The following TG variants were observed in gnomAD, a reference collection of about 807,000 sequenced individuals.
TG encodes thyroglobulin, also known as thyroid hormones.
TG carries 270 observed loss-of-function variants against 324.7 expected under a neutral mutation model. The observed-to-expected ratio is 0.83, with a 90% CI of 0.75 to 0.92. The LOEUF (loss-of-function observed/expected upper bound fraction) is 0.92. TG is among the 40% of genes least tolerant of loss of function. The probability of loss-of-function intolerance (pLI) is 0.00; values close to 1 mark genes in which losing one functional copy is unlikely to be tolerated. For missense variants in TG, 3,591 were observed against 3,456.4 expected (o/e 1.04, Z -0.98); for synonymous variants, 1,401 against 1,327.0 (o/e 1.06, Z -1.21).
At chr8:133,034,764 G>T (rs1185055104) in intron 41 of TG, among the ~76,000 whole-genome samples, 1 of 152,094 alleles carries the variant, frequency 6.6e-6, no homozygotes. Flanking sequence ...ATTTCTTAAG[G>T]CCTTCCTCAT....
chr8:132,920,356 T>A (rs1340786498), intron 21 of TG, among the ~76,000 whole-genome samples: 1 of 152,194 alleles, frequency 6.6e-6, no homozygotes, highest in Non-Finnish European at 1.5e-5. Context: ...ATTTCTAGAA[T>A]TTTTAAAACA....
chr8:132,935,137 C>CTTTTTTTTTTTTT (rs34047530), intron 24 of TG, among the ~76,000 whole-genome samples: 2 of 136,400 alleles, frequency 1.5e-5, no homozygotes, highest in Non-Finnish European at 3.2e-5. Context: ...CTGGCAAACT[C>CTTTTTTTTTTTTT]TTTTTTTTTT....
Position 133,017,802 on chromosome 8 carries a change from C to G in TG, c.6587C>G (p.Ala2196Gly). 6.2e-7 allele frequency: 1 copy of G among 1,614,206 alleles called. No individual in the cohort carries two copies. Among genetic ancestry groups the G allele is most frequent in the South Asian group, 1.1e-5 (1 of 91,086 alleles). Residue 2196 changes from alanine (A) to glycine (G), a missense_variant, in exon 38 of 48, where the codon GCA becomes GGA. Physicochemically the swap from Ala to Gly is moderately conservative, Grantham distance 60. Coordinates refer to ENST00000220616, the MANE Select transcript of TG (RefSeq NM_003235.5). ...GGAATCTCTCTGCTCAGCTATGAGG[C>G]ATCTGTACCTTCTGTGCCCATTTCC... is the stretch of plus-strand genomic sequence containing the variant. ...KPGISLLSYE[A>G]SVPSVPISTH...
At chr8:132,995,239 C>G (rs1832759485) in intron 35 of TG, 1 of 963,674 alleles carries the variant, frequency 1.0e-6, no homozygotes, top group Non-Finnish European at 1.2e-6. Context: ...TACCTATTAC[C>G]TACAAGTTGA....
rs529017279 is a variant in TG, at chr8:133,015,323, T to C, written c.6562+1559T>C. ...CTCACTTCCAAAAGATGTGTGCACA[T>C]ATGCATCTACAGGTGTCTCAACTTT... On this transcript the variant is annotated intron_variant, in intron 37 of 47. Transcript: ENST00000220616. Among the ~76,000 whole-genome samples the C allele has an allele frequency of 3.9e-5, 6 of 152,342 alleles. No homozygotes were observed. The South Asian group carries it at 8.3e-4, about 21-fold the overall frequency.
At chr8:132,885,451 T>C (rs930764360) in intron 8 of TG, among the ~76,000 whole-genome samples, 4 of 151,712 alleles carry the variant, frequency 2.6e-5, no homozygotes, top group Non-Finnish European at 5.9e-5. Context: ...TATTATAATA[T>C]ATATTACAAT....
rs149424079 is a variant in TG at position 132,917,713 on chromosome 8, G to A, written c.4379-1663G>A. Among the ~76,000 whole-genome samples the A allele has an allele frequency of 2.1e-3, 316 of 152,092 alleles. 2 individuals are homozygous for A. Among genetic ancestry groups the A allele is most frequent in the Middle Eastern group, 0.02 (6 of 294 alleles). ...TCCGAAGGGGTGAAGGACATTTACG[G>A]TTCCTCACAGATGTCTTTCTTCAGC... On this transcript the variant is annotated intron_variant, in intron 20 of 47. Coordinates refer to ENST00000220616, the MANE Select transcript of TG (RefSeq NM_003235.5).
intron 35 of TG, among the ~76,000 whole-genome samples, chr8:133,009,735 C>T (rs1399208623): frequency 6.6e-6 from 1 of 151,750 alleles, no homozygotes; most frequent in Non-Finnish European, 1.5e-5. Flanking sequence ...TCTTTCTGCT[C>T]TCTGCCATGT....
Position 133,119,742 on chromosome 8 carries a change from A to G in TG, c.7862+3026A>G, listed in dbSNP as rs114245952. Among the ~76,000 whole-genome samples the G allele has an allele frequency of 7.9e-3, 1,202 of 152,278 alleles. 17 individuals are homozygous for G. Among genetic ancestry groups the G allele is most frequent in the African/African-American group, 0.028 (1,148 of 41,544 alleles). On this transcript the variant is annotated intron_variant, in intron 45 of 47. Coordinates refer to ENST00000220616, the MANE Select transcript of TG (RefSeq NM_003235.5). ...GCATAGCAGAGTCTGAGGTTCAAGG[A>G]GTTCAACATGATTCCCTCGAGGACA...
intron 5 of TG, among the ~76,000 whole-genome samples, chr8:132,874,292 G>GCACTTTACACGTATACAAC (rs1461115155): frequency 1.3e-5 from 2 of 152,208 alleles, no homozygotes; most frequent in African/African-American, 4.8e-5. Context: ...TTTGTAAACT[G>GCACTTTACACGTATACAAC]TGTGTATACG....
Position 132,975,223 on chromosome 8 carries a change from TG to T in TG, c.6199+2483del, listed in dbSNP as rs1421631264. Among the ~76,000 whole-genome samples the T allele has an allele frequency of 2.6e-5, 4 of 152,342 alleles. No homozygotes were observed. The East Asian group carries it at 7.7e-4, about 29-fold the overall frequency. ...CCTCTCACTTCCCCCTTGCCCCATCTGTCCTCTTACCTCCTTACCTCACCAA... is the reference window on the plus strand; with the variant it reads ...CCTCTCACTTCCCCCTTGCCCCATCTTCCTCTTACCTCCTTACCTCACCAA... On this transcript the variant is annotated intron_variant, in intron 34 of 47. Coordinates refer to ENST00000220616, the MANE Select transcript of TG (RefSeq NM_003235.5).
intron 41 of TG, among the ~76,000 whole-genome samples, chr8:133,076,960 A>G (rs933349360): frequency 3.9e-5 from 6 of 152,148 alleles, no homozygotes; most frequent in East Asian, 1.9e-4. Context: ...GAGGAGTCCT[A>G]TGGGAAAGAC....
chr8:133,117,027 G>A (rs13263649), intron 45 of TG, among the ~76,000 whole-genome samples: 24,966 of 152,204 alleles, frequency 0.16, 2,571 homozygotes, highest in Non-Finnish European at 0.22. Flanking sequence ...CAGAGACTGA[G>A]CACTAGCTTA....
At chr8:132,941,594 G>C (rs774130109) in intron 26 of TG, 52 bp downstream of exon 26, 1 of 1,607,346 alleles carries the variant, frequency 6.2e-7, no homozygotes, top group East Asian at 2.2e-5. Context: ...GAGCACACAG[G>C]GATGCAGAAG....
chr8:132,980,051 GC>G (rs1367306845), intron 34 of TG, among the ~76,000 whole-genome samples: 1 of 152,118 alleles, frequency 6.6e-6, no homozygotes, highest in African/African-American at 2.4e-5. Flanking sequence ...CTCAGAAACA[GC>G]CAAAAGGAAG....
chr8:132,906,243 C>A (rs1013936756), intron 16 of TG, among the ~76,000 whole-genome samples: 3 of 151,958 alleles, frequency 2.0e-5, no homozygotes, highest in African/African-American at 7.3e-5. Context: ...AGGAGATGAA[C>A]CCTGCAGGAA....
chr8:132,962,991 T>C lies in TG; in HGVS notation c.5468-3T>C, dbSNP rs1201150664. Reference sequence around the variant, plus strand: ...TTGCAACAACTCTTTTTTTTCCTCCTAGATTCTGACATGGGGTCTCGGCCT... The same window carrying C: ...TTGCAACAACTCTTTTTTTTCCTCCCAGATTCTGACATGGGGTCTCGGCCT... On this transcript the variant is annotated splice_region_variant and splice_polypyrimidine_tract_variant and intron_variant, in intron 28 of 47. Transcript: ENST00000220616. The C allele has an allele frequency of 1.2e-6, 2 of 1,613,810 alleles. No individual in the cohort carries two copies. The highest frequency in any genetic ancestry group is 1.7e-6 in the Non-Finnish European group (2 of 1,179,766).
rs781431822 is a variant in TG, at chr8:132,966,673, C to A, written c.5662C>A (p.Gln1888Lys). 1 of 1,614,130 alleles carries A rather than the reference C, an allele frequency of 6.2e-7. No individual in the cohort carries two copies. Residue 1888 changes from glutamine to lysine, a missense_variant, in exon 30 of 48, where the codon CAG (glutamine) becomes AAG (lysine). Physicochemically the swap from Gln to Lys is moderately conservative, Grantham distance 53. Coordinates refer to ENST00000220616, the MANE Select transcript of TG (RefSeq NM_003235.5). ...WLFKHLFSAQ[Q>K]ANLWCLSRCV... The stretch of plus-strand genomic sequence containing the variant: ...TTTCAAGCACCTGTTTTCAGCCCAG[C>A]AGGCAAACCTATGGTGCCTTTCTCG...
At chr8:132,992,410 G>A (rs986662757) in intron 35 of TG, among the ~76,000 whole-genome samples, 2 of 152,204 alleles carry the variant, frequency 1.3e-5, no homozygotes, top group African/African-American at 4.8e-5. Context: ...CAGTTCAATA[G>A]AAAGCTATAG....
Sources: gnomAD v4.1 joint callset for allele counts (sites outside exome capture counted in the v4.1 genomes callset) on GRCh38, gnomAD v4.1.1 for gene constraint, MANE v1.5 for transcripts, NCBI Gene and HGNC (gene_info 2026-07-23, HGNC 2026-07-21) for gene names.